Variants in MEGF10 observed in about 807,000 individuals in gnomAD.
MEGF10 encodes multiple EGF like domains 10.
MEGF10 carries 86 observed loss-of-function variants against 147.5 expected under a neutral mutation model. That is an observed-to-expected ratio of 0.58 (90% CI 0.49 to 0.70). The LOEUF is 0.70. Ranked by LOEUF, MEGF10 falls within the 30% of genes least tolerant of loss-of-function variation. The pLI, the probability that MEGF10 is intolerant of heterozygous loss-of-function variation, is 0.00. For missense variants in MEGF10, 1,329 were observed against 1,487.3 expected (o/e 0.89, Z 1.75); for synonymous variants, 478 against 525.5 (o/e 0.91, Z 1.24).
At chr5:127,437,488 A>T (rs6859181) in intron 16 of MEGF10, among the ~76,000 whole-genome samples, 111,298 of 152,102 alleles carry the variant, frequency 0.73, 41,386 homozygotes, top group Middle Eastern at 0.86. Context: ...TTGTCTTTAT[A>T]GGTCCACATT....
At chr5:127,366,473 T>C (rs991048675) in intron 4 of MEGF10, among the ~76,000 whole-genome samples, 10 of 152,356 alleles carry the variant, frequency 6.6e-5, no homozygotes, top group African/African-American at 1.7e-4. Flanking sequence ...ATTTAGATCA[T>C]TATTTGCCTT....
In MEGF10 at chr5:127,319,394, C is replaced by G. The variant is rs369251701; in HGVS notation, c.-18-11897C>G. 3.3e-5 allele frequency among the ~76,000 whole-genome samples: 5 copies of G among 152,166 alleles called. No homozygotes were observed. In the East Asian group the frequency reaches 9.7e-4, roughly 29 times the overall value. On this transcript the variant is annotated intron_variant, in intron 1 of 24. Transcript: ENST00000503335. The stretch of plus-strand genomic sequence containing the variant: ...CCTGGCCTTGCTTTTCTTCTTTAAA[C>G]TAGTTTTTCTTTTCTTAAAATATTT...
At chr5:127,310,379 A>G (rs1469820711) in intron 1 of MEGF10, among the ~76,000 whole-genome samples, 1 of 151,916 alleles carries the variant, frequency 6.6e-6, no homozygotes, top group Non-Finnish European at 1.5e-5. Flanking sequence ...CACTCTGTTG[A>G]TAGTGTCCTT....
At chr5:127,396,891 C>T in intron 6 of MEGF10, 113 bp downstream of exon 6, 1 of 1,468,344 alleles carries the variant, frequency 6.8e-7, no homozygotes, top group African/African-American at 1.4e-5. Flanking sequence ...TGAAGAGTTA[C>T]TGATGGGTCT....
rs139801098 is a variant in MEGF10 at position 127,349,595 on chromosome 5, G to A, written c.319+8965G>A. Among the ~76,000 whole-genome samples the A allele has an allele frequency of 9.9e-5, 15 of 151,192 alleles. No homozygotes were observed. In the East Asian group the frequency reaches 2.5e-3, roughly 25 times the overall value. On this transcript the variant is annotated intron_variant, in intron 4 of 24. Coordinates refer to ENST00000503335, the MANE Select transcript of MEGF10 (RefSeq NM_001256545.2). ...CTTCATATAAGTGGAATCAGACTTC[G>A]TCCTTTCATGACTGGCTTATTTCAC... is the stretch of plus-strand genomic sequence containing the variant.
intron 1 of MEGF10, among the ~76,000 whole-genome samples, chr5:127,322,640 C>T (rs1760833317): frequency 6.6e-6 from 1 of 152,158 alleles, no homozygotes; most frequent in African/African-American, 2.4e-5. Context: ...CCAGTGTTTG[C>T]TGGTTGAAAT....
At chr5:127,270,612 AGACTCC>A in the MEGF10 span, among the ~76,000 whole-genome samples, 21 of 152,318 alleles carry the variant, frequency 1.4e-4, no homozygotes, top group African/African-American at 4.3e-4. Flanking sequence ...AAAGAGACTT[AGACTCC>A]CACACAATAA....
At chr5:127,308,588 T>C (rs1357025213) in intron 1 of MEGF10, among the ~76,000 whole-genome samples, 1 of 152,076 alleles carries the variant, frequency 6.6e-6, no homozygotes, top group Non-Finnish European at 1.5e-5. Flanking sequence ...CTGGAAACCA[T>C]CATTCTCAGC....
At chr5:127,395,814 G>A (rs751827367) in intron 5 of MEGF10, among the ~76,000 whole-genome samples, 7 of 152,074 alleles carry the variant, frequency 4.6e-5, no homozygotes, top group Admixed American at 6.6e-5. Context: ...AAAGTGCTGG[G>A]ATTACAGGCG....
At chr5:127,426,121 A>G (rs535241664) in intron 13 of MEGF10, among the ~76,000 whole-genome samples, 1 of 152,194 alleles carries the variant, frequency 6.6e-6, no homozygotes, top group Non-Finnish European at 1.5e-5. Context: ...AGGAATTGAC[A>G]TGACTAAATT....
At chr5:127,335,322 A>G (rs548848911) in intron 2 of MEGF10, among the ~76,000 whole-genome samples, 27 of 152,308 alleles carry the variant, frequency 1.8e-4, no homozygotes, top group Admixed American at 1.2e-3. Context: ...CAATGAAAGT[A>G]GGATTGGACC....
At chr5:127,332,154 A>G (rs934440756) in intron 2 of MEGF10, among the ~76,000 whole-genome samples, 1 of 152,206 alleles carries the variant, frequency 6.6e-6, no homozygotes, top group Non-Finnish European at 1.5e-5. Context: ...ATCCTCTGGG[A>G]CTTTATAGTC....
the MEGF10 span, among the ~76,000 whole-genome samples, chr5:127,234,199 T>C: frequency 0.54 from 81,797 of 151,642 alleles, 22,335 homozygotes; most frequent in Middle Eastern, 0.7. Flanking sequence ...TCCAACACGA[T>C]GTATCTAGGA....
chr5:127,410,724 C>T, intron 9 of MEGF10, 123 bp downstream of exon 9: 2 of 852,836 alleles, frequency 2.3e-6, no homozygotes, highest in East Asian at 2.7e-5. Context: ...CTCTAGGCTA[C>T]TCTGGGCAGG....
chr5:127,449,201 G>C lies in MEGF10; in HGVS notation c.2959G>C (p.Gly987Arg). ...GACATTGCCGGCTGACTGGAAACAT[G>C]GCGGCTACCTCAACGAGCTCGGTGA... ...TGTLPADWKHGGYLNELGAFG... is the reference protein window; with the variant it reads ...TGTLPADWKHRGYLNELGAFG... The change falls in exon 22 of 25, where the codon GGC becomes CGC. Residue 987 changes from glycine to arginine, a missense_variant. By Grantham distance (125) the Gly-to-Arg change is moderately radical (BLOSUM62 -2). Transcript: ENST00000503335. 6.2e-7 allele frequency: 1 copy of C among 1,613,406 alleles called. No homozygotes were observed. Among genetic ancestry groups the C allele is most frequent in the Non-Finnish European group, 8.5e-7 (1 of 1,179,624 alleles).
At chr5:127,436,367 T>A (rs1765553741) in intron 16 of MEGF10, among the ~76,000 whole-genome samples, 1 of 152,182 alleles carries the variant, frequency 6.6e-6, no homozygotes, top group African/African-American at 2.4e-5. Context: ...CCATAAGTAG[T>A]CCAGGCTGTA....
At position 127,357,706 on chromosome 5, in the gene MEGF10, A is replaced by G. The variant is rs547901122; in HGVS notation, c.320-12204A>G. Among the ~76,000 whole-genome samples the G allele has an allele frequency of 1.3e-3, 205 of 152,150 alleles. 1 individual carries two copies. Among genetic ancestry groups the G allele is most frequent in the African/African-American group, 4.7e-3 (197 of 41,568 alleles). ...AAATCCCTTTATTCTGTGTTCTTTT[A>G]GGACCATCACTTAGCAGGGGCTGGA... On this transcript the variant is annotated intron_variant, in intron 4 of 24. Transcript: ENST00000503335.
At chr5:127,237,202 G>A in the MEGF10 span, among the ~76,000 whole-genome samples, 3 of 152,254 alleles carry the variant, frequency 2.0e-5, no homozygotes, top group East Asian at 5.8e-4. Flanking sequence ...TGTTGTAGAA[G>A]TTATTTAACT....
chr5:127,367,729 C>T (rs1177519748), intron 4 of MEGF10, among the ~76,000 whole-genome samples: 1 of 152,158 alleles, frequency 6.6e-6, no homozygotes, highest in African/African-American at 2.4e-5. Context: ...AGTAGCTTTA[C>T]TATGTTGAAG....
Sources: allele counts gnomAD v4.1 joint callset (sites outside exome capture counted in the v4.1 genomes callset), GRCh38; gene constraint gnomAD v4.1.1; transcripts MANE v1.5; gene names NCBI Gene and HGNC (gene_info 2026-07-23, HGNC 2026-07-21).